IGF2BP1: variants seen among roughly 807,000 people sequenced by gnomAD.
The protein encoded by IGF2BP1 is insulin-like growth factor 2 mRNA-binding protein 1.
A neutral mutation model predicts 74.9 loss-of-function variants in IGF2BP1; 11 were observed. The ratio of observed to expected loss-of-function variants is 0.15; its 90% confidence interval spans 0.09 to 0.24. The LOEUF (loss-of-function observed/expected upper bound fraction) is 0.24, where lower values mean the gene tolerates loss of function less well. Ranked by LOEUF, IGF2BP1 falls within the 10% of genes least tolerant of loss-of-function variation. The pLI is 1.00. For missense variants in IGF2BP1, 440 were observed against 757.4 expected (o/e 0.58, Z 4.92); for synonymous variants, 287 against 281.8 (o/e 1.02, Z -0.18).
At chr17:49,023,673 G>A (rs1254881467) in intron 2 of IGF2BP1, among the ~76,000 whole-genome samples, 2 of 152,216 alleles carry the variant, frequency 1.3e-5, no homozygotes, top group Admixed American at 6.5e-5. Flanking sequence ...CCAGTCAGGG[G>A]CAGGTTAAGG....
chr17:49,043,856 G>A, intron 10 of IGF2BP1, 111 bp from the exon 11 acceptor site: 1 of 1,459,162 alleles, frequency 6.9e-7, no homozygotes, highest in Non-Finnish European at 9.2e-7. Flanking sequence ...GCCCAGGGTG[G>A]CGGTTTGGTG....
intron 2 of IGF2BP1, chr17:49,014,690 C>G: frequency 2.5e-6 from 2 of 790,828 alleles, no homozygotes; most frequent in Non-Finnish European, 3.1e-6. Flanking sequence ...AGACGCGGAT[C>G]CCTGAGGGCT....
chr17:49,025,918 C>T (rs564586948), intron 3 of IGF2BP1, among the ~76,000 whole-genome samples: 13 of 147,986 alleles, frequency 8.8e-5, no homozygotes, highest in East Asian at 7.9e-4. Context: ...TGCAGTGGCG[C>T]GATCTCGACT....
intron 1 of IGF2BP1, 127 bp downstream of exon 1, chr17:48,998,047 A>G: frequency 2.1e-6 from 2 of 950,202 alleles, no homozygotes; most frequent in Non-Finnish European, 3.1e-6. Flanking sequence ...CTCCGTACCC[A>G]CCCTCGACCT....
intron 2 of IGF2BP1, among the ~76,000 whole-genome samples, chr17:49,020,840 T>C (rs1464395227): frequency 6.6e-6 from 1 of 152,084 alleles, no homozygotes; most frequent in Non-Finnish European, 1.5e-5. Context: ...CATCAAGAAA[T>C]TATTGTCATC....
chr17:49,040,086 C>G lies in IGF2BP1; in HGVS notation c.813C>G (p.Thr271=), dbSNP rs775599008. ...LEIMHKEAKD[T]KTADEVPLKI... ...TTATGCATAAAGAGGCTAAGGACAC[C>G]AAAACGTAAGTCTCCAGCTTTTCTT... Residue 271 remains threonine (T), a synonymous_variant, in exon 7 of 15, where the codon ACC becomes ACG. Transcript: ENST00000290341. 1.2e-6 allele frequency: 2 copies of G among 1,613,968 alleles called. No individual in the cohort carries two copies. The highest frequency in any genetic ancestry group is 3.3e-5 in the Admixed American group (2 of 60,000).
intron 2 of IGF2BP1, among the ~76,000 whole-genome samples, chr17:49,023,883 G>A (rs1403568426): frequency 4.0e-5 from 6 of 151,008 alleles, no homozygotes; most frequent in African/African-American, 1.2e-4. Flanking sequence ...TCTGGGAGTC[G>A]ACCCTGAGCC....
intron 2 of IGF2BP1, among the ~76,000 whole-genome samples, chr17:49,003,748 G>C (rs904420011): frequency 6.9e-6 from 1 of 144,446 alleles, no homozygotes; most frequent in Non-Finnish European, 1.5e-5. Flanking sequence ...GAAATCAGAC[G>C]AGTTAGTCCC....
At chr17:49,021,844 T>G (rs150638112) in intron 2 of IGF2BP1, among the ~76,000 whole-genome samples, 8 of 152,344 alleles carry the variant, frequency 5.3e-5, no homozygotes, top group African/African-American at 1.9e-4. Flanking sequence ...TAGAAGCTGG[T>G]CTACTGAAGT....
intron 6 of IGF2BP1, among the ~76,000 whole-genome samples, chr17:49,038,690 T>C (rs1445641351): frequency 6.6e-6 from 1 of 152,016 alleles, no homozygotes; most frequent in East Asian, 1.9e-4. Context: ...GATTCTATAA[T>C]TTCTCATGTG....
chr17:48,998,357 G>A (rs2041435634), intron 1 of IGF2BP1, among the ~76,000 whole-genome samples: 1 of 152,252 alleles, frequency 6.6e-6, no homozygotes, highest in African/African-American at 2.4e-5. Flanking sequence ...TTCCAGGCGT[G>A]GAAGGGGTAC....
chr17:49,000,452 CAT>C (rs1354613817), intron 2 of IGF2BP1, among the ~76,000 whole-genome samples: 14 of 152,234 alleles, frequency 9.2e-5, no homozygotes, highest in African/African-American at 2.9e-4. Context: ...TTTAACTTCA[CAT>C]GTTTGAAATA....
chr17:49,029,794 A>ATTT (rs34684271), intron 4 of IGF2BP1, among the ~76,000 whole-genome samples: 1 of 134,386 alleles, frequency 7.4e-6, no homozygotes, highest in African/African-American at 2.7e-5. Flanking sequence ...CACCCGGCTG[A>ATTT]TTTTTTTTTT....
rs746400420 is a variant in IGF2BP1, at chr17:49,051,712, A to T, written c.*2268A>T. The T allele has an allele frequency of 1.3e-5, 2 of 152,150 alleles. No homozygotes were observed. The highest frequency in any genetic ancestry group is 4.8e-5 in the African/African-American group (2 of 41,444). The allele number at this position is 152,150 out of a possible 1,614,324, so 9.4% of individuals were successfully genotyped here. On this transcript the variant is annotated 3_prime_UTR_variant, in exon 15 of 15. Transcript: ENST00000290341. Reference sequence around the variant, plus strand: ...ATAATAACTAAAAAATATACCCTTTAAAAAAACCTATATTTCTCTGTCTAA... The same window carrying T: ...ATAATAACTAAAAAATATACCCTTTTAAAAAACCTATATTTCTCTGTCTAA...
At chr17:49,040,178 T>C in intron 7 of IGF2BP1, 87 bp downstream of exon 7, 1 of 1,392,852 alleles carries the variant, frequency 7.2e-7, no homozygotes. Flanking sequence ...TATACAGACA[T>C]ATAAGAAATA....
chr17:49,047,529 AAG>A (rs1159219091), intron 14 of IGF2BP1, among the ~76,000 whole-genome samples: 3 of 151,862 alleles, frequency 2.0e-5, no homozygotes, highest in Non-Finnish European at 4.4e-5. Flanking sequence ...TTTTTTTTTA[AAG>A]AGAGTAAAGG....
rs1392938209 is a variant in IGF2BP1, at chr17:49,014,910, C to T, written c.237-10708C>T. ...CTCCTGGCTCCTGAGAGGGCCACCT[C>T]GGCTGTTCCCTCTGGAGGACAGAGC... On this transcript the variant is annotated intron_variant, in intron 2 of 14. Coordinates refer to ENST00000290341, the MANE Select transcript of IGF2BP1 (RefSeq NM_006546.4). The T allele has an allele frequency of 1.9e-5, 19 of 985,334 alleles. No individual in the cohort carries two copies. The South Asian group carries it at 3.3e-4, about 17-fold the overall frequency. The allele number at this position is 985,334 out of a possible 1,614,324, so 61.0% of individuals were successfully genotyped here.
chr17:49,012,355 C>T (rs12939375), intron 2 of IGF2BP1: 3 of 152,026 alleles, frequency 2.0e-5, no homozygotes, highest in Admixed American at 6.6e-5. Context: ...TTAGAACTTA[C>T]GTGTCAGCCT....
At position 49,055,659 on chromosome 17, in the gene IGF2BP1, C is replaced by G. The variant is rs527697252; in HGVS notation, c.*6215C>G. ...CGTCCTCTATCACCATTTGGAGTCTCCCTTTTCTCCAGGATCTTGATCCTG... is the reference window on the plus strand; with the variant it reads ...CGTCCTCTATCACCATTTGGAGTCTGCCTTTTCTCCAGGATCTTGATCCTG... On this transcript the variant is annotated 3_prime_UTR_variant, in exon 15 of 15. Coordinates refer to ENST00000290341, the MANE Select transcript of IGF2BP1 (RefSeq NM_006546.4). 2.5e-6 allele frequency: 1 copy of G among 398,400 alleles called. No individual in the cohort carries two copies. Among genetic ancestry groups the G allele is most frequent in the Non-Finnish European group, 4.4e-6 (1 of 226,062 alleles). 24.7% of individuals were successfully genotyped at this position (398,400 alleles called of 1,614,324 possible). A position where few individuals can be genotyped will look rare whatever the true frequency, so the allele number is the denominator to read the frequency against.
Sources: gnomAD v4.1 joint callset for allele counts (sites outside exome capture counted in the v4.1 genomes callset) on GRCh38, gnomAD v4.1.1 for gene constraint, MANE v1.5 for transcripts, NCBI Gene and HGNC (gene_info 2026-07-23, HGNC 2026-07-21) for gene names.